Variants in GRM7 observed in about 807,000 individuals in gnomAD.
GRM7 encodes glutamate metabotropic receptor 7.
GRM7 carries 35 observed loss-of-function variants against 84.5 expected under a neutral mutation model. That is an observed-to-expected ratio of 0.41 (90% CI 0.32 to 0.55). The LOEUF is 0.55. GRM7 is among the 20% of genes least tolerant of loss of function. The pLI is 0.19. For missense variants in GRM7, 1,003 were observed against 1,194.6 expected (o/e 0.84, Z 2.36); for synonymous variants, 487 against 455.1 (o/e 1.07, Z -0.89).
At chr3:7,288,680 G>C (rs1012771657) in intron 2 of GRM7, among the ~76,000 whole-genome samples, 3 of 152,148 alleles carry the variant, frequency 2.0e-5, no homozygotes, top group Admixed American at 6.6e-5. Flanking sequence ...TGACTTTAGT[G>C]AAAGAAGCAA....
chr3:7,704,432 A>G (rs1423776197), intron 9 of GRM7, among the ~76,000 whole-genome samples: 1 of 152,208 alleles, frequency 6.6e-6, no homozygotes, highest in Non-Finnish European at 1.5e-5. Context: ...AAAAAGTTTG[A>G]GAGTATTTTT....
At chr3:7,526,768 T>C (rs752855560) in intron 7 of GRM7, among the ~76,000 whole-genome samples, 6 of 152,088 alleles carry the variant, frequency 3.9e-5, no homozygotes, top group Admixed American at 2.0e-4. Flanking sequence ...CTCAGCACCA[T>C]TCATTGAATA....
In GRM7 at chr3:7,313,333, CAGAT is replaced by C. The variant is rs537476061; in HGVS notation, c.1033+6685_1033+6688del. On this transcript the variant is annotated intron_variant, in intron 4 of 9. Coordinates refer to ENST00000357716, the MANE Select transcript of GRM7 (RefSeq NM_000844.4). ...TAATACCAGAGGAAGGCAGAAAAGA[CAGAT>C]AGAAAAAGCAAAAAGCCTAGGCCCA... 5.2e-3 allele frequency among the ~76,000 whole-genome samples: 792 copies of C among 152,260 alleles called. 10 individuals are homozygous for C. The highest frequency in any genetic ancestry group is 0.018 in the African/African-American group (760 of 41,570).
intron 2 of GRM7, among the ~76,000 whole-genome samples, chr3:7,228,946 G>A (rs1208774568): frequency 1.3e-5 from 2 of 152,296 alleles, no homozygotes; most frequent in African/African-American, 2.4e-5. Context: ...CTTGAGAAAT[G>A]TTGACATAGA....
chr3:7,418,211 C>T (rs1197828893), intron 5 of GRM7, among the ~76,000 whole-genome samples: 1 of 152,112 alleles, frequency 6.6e-6, no homozygotes, highest in Non-Finnish European at 1.5e-5. Context: ...TACCAAATCC[C>T]AAGATGTGAC....
intron 8 of GRM7, among the ~76,000 whole-genome samples, chr3:7,584,331 T>C (rs1181621089): frequency 1.3e-5 from 2 of 152,212 alleles, no homozygotes; most frequent in African/African-American, 4.8e-5. Flanking sequence ...TAATTTGAAA[T>C]ATTGTAGCTT....
intron 9 of GRM7, among the ~76,000 whole-genome samples, chr3:7,726,613 CTATATA>C (rs56250356): frequency 0.016 from 929 of 57,754 alleles, 17 homozygotes; most frequent in Non-Finnish European, 0.021. Flanking sequence ...CTCTCTCCCT[CTATATA>C]TATATATATA....
chr3:6,965,709 A>G (rs1693488224), intron 1 of GRM7, among the ~76,000 whole-genome samples: 1 of 152,078 alleles, frequency 6.6e-6, no homozygotes, highest in Admixed American at 6.6e-5. Flanking sequence ...CATTTATTTT[A>G]AAATTAAAAT....
chr3:7,239,212 G>C (rs930076969), intron 2 of GRM7, among the ~76,000 whole-genome samples: 4 of 151,846 alleles, frequency 2.6e-5, no homozygotes, highest in Non-Finnish European at 5.9e-5. Context: ...TATTGTCCAG[G>C]CTGGTCTCCA....
chr3:7,366,347 A>T (rs78216756), intron 4 of GRM7, among the ~76,000 whole-genome samples: 12 of 151,712 alleles, frequency 7.9e-5, no homozygotes, highest in Non-Finnish European at 1.5e-4. Flanking sequence ...TATTTAAAGA[A>T]TGTTGAATTT....
At chr3:7,009,361 A>G (rs1398162712) in intron 1 of GRM7, among the ~76,000 whole-genome samples, 2 of 152,244 alleles carry the variant, frequency 1.3e-5, no homozygotes, top group Admixed American at 1.3e-4. Flanking sequence ...TACAAGAACT[A>G]TTCATAAACC....
At chr3:7,339,276 A>C (rs1701544554) in intron 4 of GRM7, among the ~76,000 whole-genome samples, 1 of 152,138 alleles carries the variant, frequency 6.6e-6, no homozygotes. Flanking sequence ...TCAAAAAAAC[A>C]AAAACCAAGA....
intron 2 of GRM7, among the ~76,000 whole-genome samples, chr3:7,177,668 G>C (rs1695200680): frequency 6.6e-6 from 1 of 151,870 alleles, no homozygotes; most frequent in Non-Finnish European, 1.5e-5. Context: ...CAGGGAGGGA[G>C]GGAGGAAGGA....
chr3:7,472,966 G>T (rs1335092517), intron 7 of GRM7, among the ~76,000 whole-genome samples: 3 of 152,074 alleles, frequency 2.0e-5, no homozygotes, highest in Non-Finnish European at 4.4e-5. Context: ...ATCTCAAAAA[G>T]GTAAACATAA....
chr3:7,342,423 A>G (rs1157265202), intron 4 of GRM7, among the ~76,000 whole-genome samples: 1 of 152,124 alleles, frequency 6.6e-6, no homozygotes, highest in African/African-American at 2.4e-5. Context: ...GACATGACCA[A>G]TCAATTACTG....
chr3:7,218,001 T>C (rs1322400694), intron 2 of GRM7, among the ~76,000 whole-genome samples: 1 of 152,080 alleles, frequency 6.6e-6, no homozygotes, highest in Non-Finnish European at 1.5e-5. Context: ...ACATATGTTG[T>C]ATGGCTCTAT....
intron 5 of GRM7, among the ~76,000 whole-genome samples, chr3:7,433,514 G>T (rs925004382): frequency 2.6e-5 from 4 of 152,150 alleles, no homozygotes; most frequent in Non-Finnish European, 2.9e-5. Flanking sequence ...AAGGGTATGT[G>T]GTGAGACAGA....
At chr3:7,464,303 C>T (rs1698372649) in intron 7 of GRM7, among the ~76,000 whole-genome samples, 1 of 151,996 alleles carries the variant, frequency 6.6e-6, no homozygotes. Context: ...ATGAGGGAGG[C>T]AGCTGGGAGT....
intron 1 of GRM7, among the ~76,000 whole-genome samples, chr3:6,994,136 A>C (rs1694746185): frequency 6.6e-6 from 1 of 152,228 alleles, no homozygotes; most frequent in African/African-American, 2.4e-5. Context: ...GAAAGGAAGA[A>C]AATATTGAGC....
Sources: allele counts gnomAD v4.1 joint callset (sites outside exome capture counted in the v4.1 genomes callset), GRCh38; gene constraint gnomAD v4.1.1; transcripts MANE v1.5; gene names NCBI Gene and HGNC (gene_info 2026-07-23, HGNC 2026-07-21).